The following KANSL1L variants were observed in gnomAD, a reference collection of about 807,000 sequenced individuals.
KANSL1L encodes the protein KAT8 regulatory NSL complex subunit 1 like.
In KANSL1L, 25 loss-of-function variants were observed where a neutral mutation model predicts 108.6. The ratio of observed to expected loss-of-function variants is 0.23; its 90% confidence interval spans 0.17 to 0.32. The LOEUF is 0.32. Among genes scored for constraint, KANSL1L ranks in the 10% least tolerant of loss-of-function variants. The pLI is 1.00. For synonymous variants in KANSL1L, 405 were observed against 395.1 expected, an observed-to-expected ratio of 1.03 and a Z score of -0.30; for missense variants, 1,137 against 1,125.7, an observed-to-expected ratio of 1.01 and a Z score of -0.14.
intron 6 of KANSL1L, among the ~76,000 whole-genome samples, chr2:210,051,033 T>C (rs1406773400): frequency 6.6e-6 from 1 of 152,068 alleles, no homozygotes; most frequent in African/African-American, 2.4e-5. Flanking sequence ...CCATACACTC[T>C]TTTCAAGTGT....
chr2:210,103,873 A>G (rs566312132), intron 4 of KANSL1L: 137 of 254,248 alleles, frequency 5.4e-4, no homozygotes, highest in African/African-American at 2.9e-3. Flanking sequence ...ATCATCCTAT[A>G]GCCATACCAA....
chr2:210,149,181 G>A (rs913697648), intron 2 of KANSL1L, among the ~76,000 whole-genome samples: 2 of 151,958 alleles, frequency 1.3e-5, no homozygotes, highest in Admixed American at 6.6e-5. Context: ...ATATAGAAGA[G>A]AGAAATTTCA....
At chr2:210,045,277 TTTTAA>T (rs538511291) in intron 6 of KANSL1L, among the ~76,000 whole-genome samples, 256 of 152,140 alleles carry the variant, frequency 1.7e-3, no homozygotes, top group Admixed American at 4.3e-3. Context: ...CATCTCTTAA[TTTTAA>T]TTTATTTATT....
chr2:210,140,665 G>C (rs1384867722), intron 2 of KANSL1L, among the ~76,000 whole-genome samples: 2 of 152,066 alleles, frequency 1.3e-5, no homozygotes, highest in Non-Finnish European at 2.9e-5. Context: ...ATAAATTTTT[G>C]AATTTTTTCC....
At chr2:210,030,249 A>G (rs1348621995) in intron 9 of KANSL1L, among the ~76,000 whole-genome samples, 2 of 151,896 alleles carry the variant, frequency 1.3e-5, no homozygotes, top group Non-Finnish European at 2.9e-5. Context: ...TTTCTTATCT[A>G]ATCTCATTTT....
intron 1 of KANSL1L, among the ~76,000 whole-genome samples, chr2:210,162,775 T>C (rs936009972): frequency 2.0e-5 from 3 of 152,274 alleles, no homozygotes; most frequent in East Asian, 1.9e-4. Flanking sequence ...GATACCAACG[T>C]GTTTAGAAGT....
intron 8 of KANSL1L, chr2:210,035,377 T>C (rs2094087119): frequency 6.6e-6 from 1 of 152,208 alleles, no homozygotes; most frequent in Non-Finnish European, 1.5e-5. Flanking sequence ...CATTGTAAAC[T>C]GCCAAATCTA....
intron 4 of KANSL1L, among the ~76,000 whole-genome samples, chr2:210,098,498 A>G (rs1454779403): frequency 3.9e-5 from 6 of 152,238 alleles, no homozygotes; most frequent in Non-Finnish European, 8.8e-5. Context: ...ATATAATATT[A>G]CCCTTGAGGC....
intron 3 of KANSL1L, among the ~76,000 whole-genome samples, chr2:210,109,777 T>C (rs922105451): frequency 5.3e-5 from 8 of 152,038 alleles, no homozygotes; most frequent in African/African-American, 1.9e-4. Flanking sequence ...CTTTCTTTTA[T>C]ATTACCTTCC....
intron 2 of KANSL1L, among the ~76,000 whole-genome samples, chr2:210,129,528 T>C (rs2095100481): frequency 6.6e-6 from 1 of 152,142 alleles, no homozygotes; most frequent in South Asian, 2.1e-4. Context: ...CATAAAACTT[T>C]TATACGTAAG....
chr2:210,071,419 C>T (rs930006165), intron 6 of KANSL1L, among the ~76,000 whole-genome samples: 18 of 151,874 alleles, frequency 1.2e-4, no homozygotes, highest in Non-Finnish European at 1.8e-4. Context: ...AGGCACAAAC[C>T]ATGATGCCTG....
chr2:210,079,801 T>TA (rs386392458), intron 5 of KANSL1L: 1 of 146,656 alleles, frequency 6.8e-6, no homozygotes, highest in Non-Finnish European at 1.5e-5. Context: ...TCCTTTTTTT[T>TA]TTTTTTAGAT....
chr2:210,050,584 G>A (rs1012822753), intron 6 of KANSL1L, among the ~76,000 whole-genome samples: 5 of 151,598 alleles, frequency 3.3e-5, no homozygotes, highest in South Asian at 2.1e-4. Context: ...TGGCAGGTGC[G>A]TGGTTCACAC....
At chr2:210,134,704 C>T (rs1212146463) in intron 2 of KANSL1L, among the ~76,000 whole-genome samples, 1 of 152,088 alleles carries the variant, frequency 6.6e-6, no homozygotes, top group Admixed American at 6.6e-5. Context: ...AGTGCATAGG[C>T]TTAACAACTA....
intron 2 of KANSL1L, among the ~76,000 whole-genome samples, chr2:210,135,310 A>C (rs1156655070): frequency 2.0e-5 from 3 of 152,150 alleles, no homozygotes; most frequent in African/African-American, 7.2e-5. Context: ...TGTTTTATGA[A>C]TGAGAAAGAG....
intron 4 of KANSL1L, among the ~76,000 whole-genome samples, chr2:210,103,189 C>T (rs1276728981): frequency 1.3e-5 from 2 of 152,006 alleles, no homozygotes; most frequent in African/African-American, 2.4e-5. Flanking sequence ...AAGCTGGTAA[C>T]CATCATTCTG....
chr2:210,051,023 C>T (rs2094287177), intron 6 of KANSL1L, among the ~76,000 whole-genome samples: 1 of 152,060 alleles, frequency 6.6e-6, no homozygotes, highest in Non-Finnish European at 1.5e-5. Flanking sequence ...CATATCCAGC[C>T]CATACACTCT....
chr2:210,070,257 G>C (rs1388171614), intron 6 of KANSL1L, among the ~76,000 whole-genome samples: 5 of 104,936 alleles, frequency 4.8e-5, no homozygotes, highest in Admixed American at 2.5e-4. Context: ...TTGAGATGGA[G>C]TCTCAATCTG....
Position 210,077,312 on chromosome 2 carries a change from G to A in KANSL1L, c.1551-1556C>T, listed in dbSNP as rs577438395. 1.4e-4 allele frequency among the ~76,000 whole-genome samples: 21 copies of A among 152,040 alleles called. No homozygotes were observed. In the East Asian group the frequency reaches 3.1e-3, roughly 22 times the overall value. On this transcript the variant is annotated intron_variant, in intron 5 of 14. Transcript: ENST00000281772. ...CTCTAGCAAGAATGCTTTAAGTCTC[G>A]GTAAATAAAAGGTTCTAAAAATCTT...
Sources: allele counts gnomAD v4.1 joint callset (sites outside exome capture counted in the v4.1 genomes callset), GRCh38; gene constraint gnomAD v4.1.1; transcripts MANE v1.5; gene names NCBI Gene and HGNC (gene_info 2026-07-23, HGNC 2026-07-21).